Variants in COBL observed in about 807,000 individuals in gnomAD.
The protein encoded by COBL is cordon-bleu WH2 repeat protein.
COBL carries 51 observed loss-of-function variants against 98.8 expected under a neutral mutation model. The observed-to-expected ratio is 0.52, with a 90% CI of 0.41 to 0.65. The LOEUF (loss-of-function observed/expected upper bound fraction) is 0.65. Ranked by LOEUF, COBL falls within the 30% of genes least tolerant of loss-of-function variation. The pLI is 0.00. For missense variants in COBL, 1,617 were observed against 1,617.5 expected, an observed-to-expected ratio of 1.00 and a Z score of 0.01; for synonymous variants, 634 against 651.7, an observed-to-expected ratio of 0.97 and a Z score of 0.41.
intron 5 of COBL, among the ~76,000 whole-genome samples, chr7:51,177,470 T>C (rs2129047731): frequency 6.6e-6 from 1 of 152,134 alleles, no homozygotes; most frequent in South Asian, 2.1e-4. Context: ...TAAAATGCAT[T>C]TTTGGTTTTA....
At chr7:51,267,490 A>G (rs1198051623) in intron 1 of COBL, among the ~76,000 whole-genome samples, 1 of 151,840 alleles carries the variant, frequency 6.6e-6, no homozygotes, top group Non-Finnish European at 1.5e-5. Flanking sequence ...TTATATATAT[A>G]TATATTACTA....
intron 2 of COBL, among the ~76,000 whole-genome samples, chr7:51,208,860 G>A (rs1291767132): frequency 6.6e-6 from 1 of 151,702 alleles, no homozygotes; most frequent in African/African-American, 2.4e-5. Context: ...ATGCTTGAAG[G>A]CAGAGTCATC....
chr7:51,122,962 G>A (rs989527685), intron 6 of COBL, among the ~76,000 whole-genome samples: 9 of 148,344 alleles, frequency 6.1e-5, no homozygotes, highest in African/African-American at 1.5e-4. Flanking sequence ...CAGCCTGGGC[G>A]ACAGAGCGAG....
chr7:51,308,799 T>C (rs887545379), intron 1 of COBL, among the ~76,000 whole-genome samples: 3 of 152,154 alleles, frequency 2.0e-5, no homozygotes, highest in Admixed American at 1.3e-4. Context: ...GGCTGTAGCA[T>C]GGACAAGGAG....
chr7:51,048,187 T>C (rs1329233688), intron 7 of COBL, among the ~76,000 whole-genome samples: 1 of 152,058 alleles, frequency 6.6e-6, no homozygotes, highest in Non-Finnish European at 1.5e-5. Context: ...AATAAATAAA[T>C]AGAAATAATT....
intron 7 of COBL, among the ~76,000 whole-genome samples, chr7:51,049,389 T>C (rs1790023260): frequency 6.6e-6 from 1 of 152,178 alleles, no homozygotes. Flanking sequence ...GGAAAAAGAC[T>C]TGGAATGATG....
At chr7:51,178,649 G>A (rs547829529) in intron 5 of COBL, among the ~76,000 whole-genome samples, 1 of 151,900 alleles carries the variant, frequency 6.6e-6, no homozygotes, top group Non-Finnish European at 1.5e-5. Context: ...AGACAGTCTC[G>A]CTCTGTTGCC....
chr7:51,316,499 G>C (rs1803611797), intron 1 of COBL, 94 bp downstream of exon 1: 2 of 960,256 alleles, frequency 2.1e-6, no homozygotes, highest in Admixed American at 4.6e-5. Flanking sequence ...GGGCGGCAGA[G>C]AGGGCGCCCT....
At chr7:51,046,013 G>A (rs1235456489) in intron 7 of COBL, among the ~76,000 whole-genome samples, 2 of 152,188 alleles carry the variant, frequency 1.3e-5, no homozygotes, top group Non-Finnish European at 2.9e-5. Context: ...CGTGTGGCCT[G>A]GCCACAGCCC....
chr7:51,236,042 G>T (rs569513494), intron 1 of COBL, among the ~76,000 whole-genome samples: 1 of 152,236 alleles, frequency 6.6e-6, no homozygotes, highest in East Asian at 1.9e-4. Flanking sequence ...CCCCTTTTAC[G>T]TAAGCAGGGG....
At chr7:51,270,702 G>A (rs75924146) in intron 1 of COBL, among the ~76,000 whole-genome samples, 1,638 of 151,940 alleles carry the variant, frequency 0.011, 23 homozygotes, top group African/African-American at 0.037. Flanking sequence ...TAATAAATAC[G>A]GACACTAAAG....
intron 5 of COBL, among the ~76,000 whole-genome samples, chr7:51,137,075 C>G (rs1799304457): frequency 6.7e-6 from 1 of 150,338 alleles, no homozygotes; most frequent in African/African-American, 2.4e-5. Context: ...GGGGAACCAG[C>G]AGAACCAGCA....
intron 5 of COBL, among the ~76,000 whole-genome samples, chr7:51,174,426 A>C (rs1788172230): frequency 6.6e-6 from 1 of 152,226 alleles, no homozygotes; most frequent in South Asian, 2.1e-4. Flanking sequence ...ATAAGACTGA[A>C]GAAGGGATGT....
At chr7:51,246,526 G>T (rs1481452720) in intron 1 of COBL, among the ~76,000 whole-genome samples, 1 of 152,142 alleles carries the variant, frequency 6.6e-6, no homozygotes, top group East Asian at 1.9e-4. Context: ...CAACATCCCT[G>T]CTGGTCTGGC....
chr7:51,281,134 C>T (rs1799784068), intron 1 of COBL, among the ~76,000 whole-genome samples: 1 of 151,984 alleles, frequency 6.6e-6, no homozygotes, highest in Non-Finnish European at 1.5e-5. Flanking sequence ...AACGAAGAAA[C>T]AAAAGAAAAT....
intron 1 of COBL, among the ~76,000 whole-genome samples, chr7:51,297,544 A>T (rs1023607470): frequency 2.2e-4 from 34 of 152,066 alleles, no homozygotes; most frequent in African/African-American, 7.7e-4. Flanking sequence ...GGCACCTGCC[A>T]CTATGCCCAG....
At chr7:51,233,393 C>T (rs1242458856) in intron 1 of COBL, among the ~76,000 whole-genome samples, 1 of 150,130 alleles carries the variant, frequency 6.7e-6, no homozygotes, top group African/African-American at 2.4e-5. Context: ...TTCACCAAGG[C>T]ACCCAAAATG....
At chr7:51,144,447 C>T (rs749724658) in intron 5 of COBL, among the ~76,000 whole-genome samples, 65 of 152,204 alleles carry the variant, frequency 4.3e-4, no homozygotes, top group Non-Finnish European at 8.5e-4. Context: ...GATGCACACA[C>T]CCAGGCTGCA....
At chr7:51,024,754 G>T (rs1383569754) in intron 12 of COBL, among the ~76,000 whole-genome samples, 1 of 152,178 alleles carries the variant, frequency 6.6e-6, no homozygotes, top group African/African-American at 2.4e-5. Context: ...GCTCTGTGGG[G>T]CCCCAAATGG....
Sources: gnomAD v4.1 joint callset for allele counts (sites outside exome capture counted in the v4.1 genomes callset) on GRCh38, gnomAD v4.1.1 for gene constraint, MANE v1.5 for transcripts, NCBI Gene and HGNC (gene_info 2026-07-23, HGNC 2026-07-21) for gene names.